TEAD1: variants seen among roughly 807,000 people sequenced by gnomAD.
TEAD1 encodes transcriptional enhancer factor TEF-1.
TEAD1 carries 9 observed loss-of-function variants against 54.9 expected under a neutral mutation model. The observed-to-expected ratio is 0.16, with a 90% CI of 0.10 to 0.29. The LOEUF (loss-of-function observed/expected upper bound fraction) is 0.29. Ranked by LOEUF, TEAD1 falls within the 10% of genes least tolerant of loss-of-function variation. The pLI, the probability that TEAD1 is intolerant of heterozygous loss-of-function variation, is 1.00. For synonymous variants in TEAD1, 200 were observed against 187.8 expected, an observed-to-expected ratio of 1.07 and a Z score of -0.53; for missense variants, 387 against 535.9, an observed-to-expected ratio of 0.72 and a Z score of 2.74.
At chr11:12,738,404 C>G (rs1240945778) in intron 2 of TEAD1, among the ~76,000 whole-genome samples, 1 of 152,142 alleles carries the variant, frequency 6.6e-6, no homozygotes, top group Non-Finnish European at 1.5e-5. Flanking sequence ...ACAAATTGAT[C>G]AAATTGCAAT....
intron 10 of TEAD1, among the ~76,000 whole-genome samples, chr11:12,908,073 AGCCTTTCTTGCTGGGAAAAGACTG>A (rs909901532): frequency 1.3e-5 from 2 of 152,214 alleles, no homozygotes; most frequent in African/African-American, 2.4e-5. Context: ...TTTTTTAAAA[AGCCTTTCTTGCTGGGAAAAGACTG>A]GCCTTTCTGG....
At chr11:12,913,277 T>C (rs185149159) in intron 10 of TEAD1, among the ~76,000 whole-genome samples, 1 of 152,240 alleles carries the variant, frequency 6.6e-6, no homozygotes, top group African/African-American at 2.4e-5. Context: ...TAATTTACTT[T>C]TTAAATTAAA....
chr11:12,858,474 G>A (rs1454254215), intron 3 of TEAD1, among the ~76,000 whole-genome samples: 2 of 152,140 alleles, frequency 1.3e-5, no homozygotes, highest in African/African-American at 2.4e-5. Flanking sequence ...CATTTGATTT[G>A]GGGGAAGGTT....
intron 3 of TEAD1, among the ~76,000 whole-genome samples, chr11:12,791,546 A>G (rs1374047389): frequency 6.6e-6 from 1 of 152,158 alleles, no homozygotes; most frequent in Non-Finnish European, 1.5e-5. Flanking sequence ...ATACCTGATC[A>G]GTAGGCTTTT....
In TEAD1 at chr11:12,865,885, A is replaced by G. The variant is rs567090665; in HGVS notation, c.330+985A>G. On this transcript the variant is annotated intron_variant, in intron 5 of 12. Coordinates refer to ENST00000527636, the MANE Select transcript of TEAD1 (RefSeq NM_021961.6). ...GTGCCTTTTTCGGTTCTGTTCTGATATTTTTCTATACAGTAATTAAATTTG... is the reference window on the plus strand; with the variant it reads ...GTGCCTTTTTCGGTTCTGTTCTGATGTTTTTCTATACAGTAATTAAATTTG... 9.1e-4 allele frequency among the ~76,000 whole-genome samples: 139 copies of G among 152,230 alleles called. 1 individual carries two copies. The highest frequency in any genetic ancestry group is 3.2e-3 in the African/African-American group (133 of 41,538).
At chr11:12,866,700 G>C (rs1205595162) in intron 5 of TEAD1, among the ~76,000 whole-genome samples, 1 of 152,196 alleles carries the variant, frequency 6.6e-6, no homozygotes, top group Non-Finnish European at 1.5e-5. Context: ...CAGCATTTAA[G>C]CTCCAAGAAC....
At chr11:12,927,144 A>G (rs575017079) in intron 11 of TEAD1, among the ~76,000 whole-genome samples, 1 of 152,352 alleles carries the variant, frequency 6.6e-6, no homozygotes, top group African/African-American at 2.4e-5. Flanking sequence ...CTTGACTGAT[A>G]AAATCACAGG....
At chr11:12,835,380 T>C (rs960351503) in intron 3 of TEAD1, among the ~76,000 whole-genome samples, 1 of 152,164 alleles carries the variant, frequency 6.6e-6, no homozygotes, top group Admixed American at 6.5e-5. Flanking sequence ...TGTTGCTCCG[T>C]CACCCAGGCT....
At chr11:12,684,533 C>T (rs151253199) in intron 2 of TEAD1, among the ~76,000 whole-genome samples, 215 of 152,248 alleles carry the variant, frequency 1.4e-3, no homozygotes, top group Non-Finnish European at 2.4e-3. Context: ...GCTTCAGGTG[C>T]GGAGAAGAAA....
intron 10 of TEAD1, among the ~76,000 whole-genome samples, chr11:12,916,722 G>T (rs1480753951): frequency 1.3e-5 from 2 of 152,242 alleles, no homozygotes; most frequent in African/African-American, 4.8e-5. Flanking sequence ...CAAATGAGAA[G>T]CAGCATTCAC....
At chr11:12,882,436 C>T (rs926109666) in intron 8 of TEAD1, among the ~76,000 whole-genome samples, 17 of 152,164 alleles carry the variant, frequency 1.1e-4, no homozygotes, top group African/African-American at 4.1e-4. Context: ...GGCGCACCCC[C>T]CATCCCCACC....
intron 3 of TEAD1, among the ~76,000 whole-genome samples, chr11:12,798,836 G>A (rs573244259): frequency 2.6e-4 from 40 of 152,306 alleles, no homozygotes; most frequent in African/African-American, 9.4e-4. Flanking sequence ...ATGCCTTTAG[G>A]CGGTGCCATC....
chr11:12,813,356 CCAAATT>C (rs1564948987), intron 3 of TEAD1, among the ~76,000 whole-genome samples: 2 of 152,144 alleles, frequency 1.3e-5, no homozygotes, highest in African/African-American at 4.8e-5. Context: ...CTCAAGTGAG[CCAAATT>C]AGGGGATCGC....
At chr11:12,844,739 A>G (rs567323536) in intron 3 of TEAD1, among the ~76,000 whole-genome samples, 4 of 152,222 alleles carry the variant, frequency 2.6e-5, no homozygotes, top group South Asian at 2.1e-4. Context: ...ACAAGACCAT[A>G]AAAGCCAGCC....
At chr11:12,756,845 C>T (rs1041032562) in intron 2 of TEAD1, among the ~76,000 whole-genome samples, 11 of 152,188 alleles carry the variant, frequency 7.2e-5, no homozygotes, top group African/African-American at 2.7e-4. Context: ...AAATAAGATC[C>T]TCTAGGCAGA....
At chr11:12,687,896 G>A (rs1943366938) in intron 2 of TEAD1, among the ~76,000 whole-genome samples, 1 of 152,260 alleles carries the variant, frequency 6.6e-6, no homozygotes, top group Non-Finnish European at 1.5e-5. Context: ...TCCGGGCCAG[G>A]CTAATCCAAA....
intron 3 of TEAD1, among the ~76,000 whole-genome samples, chr11:12,830,367 C>A (rs1279686299): frequency 1.3e-5 from 2 of 152,108 alleles, no homozygotes; most frequent in African/African-American, 4.8e-5. Context: ...AGTCCTAGGC[C>A]TTAAGGAAGA....
intron 11 of TEAD1, among the ~76,000 whole-genome samples, chr11:12,927,371 T>C (rs1313568196): frequency 6.6e-6 from 1 of 152,202 alleles, no homozygotes; most frequent in African/African-American, 2.4e-5. Context: ...TGAGAGCTGT[T>C]CCTGGAGTCC....
chr11:12,772,001 A>G (rs1590134639), intron 3 of TEAD1, among the ~76,000 whole-genome samples: 1 of 152,310 alleles, frequency 6.6e-6, no homozygotes, highest in South Asian at 2.1e-4. Context: ...TCCCTGAGTC[A>G]TTTGGGTGAT....
Sources: allele counts gnomAD v4.1 joint callset (sites outside exome capture counted in the v4.1 genomes callset), GRCh38; gene constraint gnomAD v4.1.1; transcripts MANE v1.5; gene names NCBI Gene and HGNC (gene_info 2026-07-23, HGNC 2026-07-21).